Variants in SH3D19 observed in about 807,000 individuals in gnomAD.
SH3D19 encodes SH3 domain containing 19, also known as SH3 domain-containing protein 19.
In SH3D19, 58 loss-of-function variants were observed where a neutral mutation model predicts 112.1. The ratio of observed to expected loss-of-function variants is 0.52; its 90% CI spans 0.42 to 0.64. The LOEUF is 0.64. Ranked by LOEUF, SH3D19 falls within the 30% of genes least tolerant of loss-of-function variation. The pLI is 0.00. For synonymous variants in SH3D19, 391 were observed against 448.5 expected (o/e 0.87, Z 1.62); for missense variants, 1,090 against 1,263.4 (o/e 0.86, Z 2.08).
chr4:151,214,661 A>C lies in SH3D19; in HGVS notation c.152+11386T>G, dbSNP rs867546778. On this transcript the variant is annotated intron_variant, in intron 2 of 19. Coordinates refer to ENST00000604030, the MANE Select transcript of SH3D19 (RefSeq NM_001378122.1). ...TGACCCCCCCCACCTCCCTCCCGGAAGGGGCGGCTGGCCGGGCAGAGGGGC... is the reference window on the plus strand; with the variant it reads ...TGACCCCCCCCACCTCCCTCCCGGACGGGGCGGCTGGCCGGGCAGAGGGGC... Among the ~76,000 whole-genome samples, 60 of 82,002 alleles carry C rather than the reference A, an allele frequency of 7.3e-4. 2 individuals carry two copies. Among genetic ancestry groups the C allele is most frequent in the Non-Finnish European group, 1.2e-3 (45 of 37,390 alleles). 53.8% of individuals were successfully genotyped at this position (82,002 alleles called of 152,430 possible). A position where few individuals can be genotyped will look rare whatever the true frequency, so the allele number is the denominator to read the frequency against.
chr4:151,228,510 T>C (rs1336730917), intron 1 of SH3D19, among the ~76,000 whole-genome samples: 2 of 142,722 alleles, frequency 1.4e-5, no homozygotes, highest in African/African-American at 2.5e-5. Context: ...GTGTCTTATA[T>C]ACTTATACTT....
intron 1 of SH3D19, among the ~76,000 whole-genome samples, chr4:151,281,876 G>A (rs1355586600): frequency 6.6e-6 from 1 of 152,030 alleles, no homozygotes; most frequent in African/African-American, 2.4e-5. Flanking sequence ...ATGGAGAATG[G>A]GAGAGGTAAA....
At chr4:151,273,799 C>A (rs969073996) in intron 1 of SH3D19, among the ~76,000 whole-genome samples, 1 of 151,968 alleles carries the variant, frequency 6.6e-6, no homozygotes, top group African/African-American at 2.4e-5. Context: ...TGAGGTCTGA[C>A]CTTTTAAAAG....
chr4:151,320,415 A>T (rs1730419245), intron 1 of SH3D19, among the ~76,000 whole-genome samples: 1 of 152,190 alleles, frequency 6.6e-6, no homozygotes, highest in Non-Finnish European at 1.5e-5. Flanking sequence ...AAAGCTACAA[A>T]GCTTTTAGGG....
chr4:151,314,670 A>G (rs1049267127), intron 1 of SH3D19, among the ~76,000 whole-genome samples: 8 of 152,230 alleles, frequency 5.3e-5, no homozygotes, highest in African/African-American at 1.2e-4. Context: ...GAGGCCTATG[A>G]TAACAGTGGC....
rs116266151 is a variant in SH3D19, at chr4:151,130,355, G to C, written c.2742+1976C>G. 6.3e-3 allele frequency among the ~76,000 whole-genome samples: 951 copies of C among 152,142 alleles called. 7 individuals carry two copies. The highest frequency in any genetic ancestry group is 0.022 in the African/African-American group (923 of 41,508). Reference sequence around the variant, plus strand: ...CTTAGGAGGCTGAGGTGGATTGCTTGAGCCTGGGAAGCAGAGGTTGCAGTG... The same window carrying C: ...CTTAGGAGGCTGAGGTGGATTGCTTCAGCCTGGGAAGCAGAGGTTGCAGTG... On this transcript the variant is annotated intron_variant, in intron 17 of 19. Coordinates refer to ENST00000604030, the MANE Select transcript of SH3D19 (RefSeq NM_001378122.1).
chr4:151,182,189 A>G (rs1187148716), intron 3 of SH3D19, among the ~76,000 whole-genome samples: 1 of 152,006 alleles, frequency 6.6e-6, no homozygotes, highest in East Asian at 1.9e-4. Context: ...GGGTTTTGCT[A>G]TGCTGCCCAG....
Position 151,143,895 on chromosome 4 carries a change from A to G in SH3D19, c.2223+15T>C, listed in dbSNP as rs954368222. ...TATGTGTGATATGAGGGCTGTAACA[A>G]TATTAATTCCTTACGTTTGGTCTGC... On this transcript the variant is annotated intron_variant, in intron 12 of 19. Coordinates refer to ENST00000604030, the MANE Select transcript of SH3D19 (RefSeq NM_001378122.1). 4 of 1,607,900 alleles carry G rather than the reference A, an allele frequency of 2.5e-6. No individual in the cohort carries two copies. Among genetic ancestry groups the G allele is most frequent in the African/African-American group, 2.7e-5 (2 of 74,702 alleles).
rs1454362064 is a variant in SH3D19 at position 151,180,438 on chromosome 4, G to A, written c.194-1041C>T. Among the ~76,000 whole-genome samples, 5 of 123,144 alleles carry A rather than the reference G, an allele frequency of 4.1e-5. No individual in the cohort carries two copies. The East Asian group carries it at 7.2e-4, about 18-fold the overall frequency. The allele number at this position is 123,144 out of a possible 152,430, so 80.8% of individuals were successfully genotyped here. On this transcript the variant is annotated intron_variant, in intron 3 of 19. Coordinates refer to ENST00000604030, the MANE Select transcript of SH3D19 (RefSeq NM_001378122.1). Reference sequence around the variant, plus strand: ...TTTTTTTTTTTTTTGAGACAGTCTCGCTCTGTCGCCCAGGCTGGAGTGCAG... The same window carrying A: ...TTTTTTTTTTTTTTGAGACAGTCTCACTCTGTCGCCCAGGCTGGAGTGCAG...
intron 1 of SH3D19, among the ~76,000 whole-genome samples, chr4:151,270,007 C>T (rs982110089): frequency 2.0e-5 from 3 of 151,970 alleles, no homozygotes; most frequent in African/African-American, 7.2e-5. Context: ...GATAACAATG[C>T]CTTTTGCAGA....
At position 151,174,939 on chromosome 4, in the gene SH3D19, G is replaced by C; in HGVS notation, c.1265C>G (p.Pro422Arg). The C allele has an allele frequency of 6.2e-7, 1 of 1,614,008 alleles. No individual in the cohort carries two copies. Among genetic ancestry groups the C allele is most frequent in the African/African-American group, 1.3e-5 (1 of 75,052 alleles). Residue 422 changes from proline to arginine, a missense_variant, in exon 7 of 20, where the codon CCT becomes CGT. Coordinates refer to ENST00000604030, the MANE Select transcript of SH3D19 (RefSeq NM_001378122.1). ...GGAAACAGATTTCTTCAGCAGCAAAGGCCGCGGGGCAGGAGTTGGCACTTT... is the reference window on the plus strand; with the variant it reads ...GGAAACAGATTTCTTCAGCAGCAAACGCCGCGGGGCAGGAGTTGGCACTTT... The part of the protein sequence containing the change: ...GKKVPTPAPR[P>R]LLLKKSVSSE...
intron 2 of SH3D19, among the ~76,000 whole-genome samples, chr4:151,191,651 T>C (rs1481056101): frequency 1.3e-5 from 2 of 152,110 alleles, no homozygotes; most frequent in African/African-American, 4.8e-5. Context: ...ATCTGTTCTT[T>C]TTTTTTTCTT....
intron 10 of SH3D19, 28 bp from the exon 11 acceptor site, chr4:151,148,214 C>A: frequency 1.3e-6 from 2 of 1,562,256 alleles, no homozygotes; most frequent in South Asian, 2.5e-5. Context: ...AGCCATGAGT[C>A]AGTGTTTTGA....
At chr4:151,159,490 T>C in intron 8 of SH3D19, 138 bp from the exon 9 acceptor site, 1 of 599,848 alleles carries the variant, frequency 1.7e-6, no homozygotes, top group Non-Finnish European at 2.9e-6. Flanking sequence ...GAGAAAGAGC[T>C]CCCAGCAAAC....
rs1751510672 is a variant in SH3D19 at position 151,134,989 on chromosome 4, G to T, written c.2486+85C>A. ...GGTCTGAGCCACCATGCCTGGCCTT[G>T]GAGTGTTTTAAGCTTGATAATTCTT... is the stretch of plus-strand genomic sequence containing the variant. On this transcript the variant is annotated intron_variant, in intron 15 of 19. Transcript: ENST00000604030. 8 of 1,131,360 alleles carry T rather than the reference G, an allele frequency of 7.1e-6. No individual in the cohort carries two copies. In the Admixed American group the frequency reaches 1.3e-4, roughly 18 times the overall value. The allele number at this position is 1,131,360 out of a possible 1,614,324, so 70.1% of individuals were successfully genotyped here.
At chr4:151,282,065 A>G (rs1774288032) in intron 1 of SH3D19, 2 of 1,427,682 alleles carry the variant, frequency 1.4e-6, no homozygotes, top group African/African-American at 2.8e-5. Flanking sequence ...TCCTTTCTTG[A>G]GTAGAGACTT....
chr4:151,124,150 C>T (rs1433018050), intron 19 of SH3D19, among the ~76,000 whole-genome samples: 7 of 151,372 alleles, frequency 4.6e-5, no homozygotes, highest in African/African-American at 1.5e-4. Context: ...CTTGTTGCCC[C>T]GGCTGGAGTG....
chr4:151,134,443 C>T (rs942134106), intron 15 of SH3D19, among the ~76,000 whole-genome samples: 3 of 152,222 alleles, frequency 2.0e-5, no homozygotes, highest in Non-Finnish European at 4.4e-5. Context: ...ACTCTTCCTT[C>T]ACTTTCTTCT....
chr4:151,266,456 A>G (rs539868495), intron 1 of SH3D19, among the ~76,000 whole-genome samples: 1 of 152,240 alleles, frequency 6.6e-6, no homozygotes, highest in African/African-American at 2.4e-5. Flanking sequence ...ATTTGTTCTC[A>G]TTGTAAACCT....
Sources: gnomAD v4.1 joint callset for allele counts (sites outside exome capture counted in the v4.1 genomes callset) on GRCh38, gnomAD v4.1.1 for gene constraint, MANE v1.5 for transcripts, NCBI Gene and HGNC (gene_info 2026-07-23, HGNC 2026-07-21) for gene names.